Variants in MATR3 observed in about 807,000 individuals in gnomAD.
MATR3 encodes matrin 3.
Under a neutral mutation model 85.5 loss-of-function variants are expected in MATR3, and 4 were observed. The observed-to-expected ratio is 0.05, with a 90% CI of 0.02 to 0.11. The LOEUF (loss-of-function observed/expected upper bound fraction) is 0.11. Ranked by LOEUF, MATR3 falls within the 10% of genes least tolerant of loss-of-function variation. MATR3 has a pLI of 1.00. For missense variants in MATR3, 685 were observed against 1,016.1 expected, an observed-to-expected ratio of 0.67 and a Z score of 4.43; for synonymous variants, 336 against 343.1, an observed-to-expected ratio of 0.98 and a Z score of 0.23.
At chr5:139,322,169 C>G in intron 10 of MATR3, 140 bp downstream of exon 10, 1 of 1,080,056 alleles carries the variant, frequency 9.3e-7, no homozygotes, top group Non-Finnish European at 1.4e-6. Flanking sequence ...AGAGAACAAC[C>G]TTTTTTTCTG....
chr5:139,289,443 T>C (rs1281820652), upstream of MATR3, among the ~76,000 whole-genome samples: 4 of 152,238 alleles, frequency 2.6e-5, no homozygotes, highest in African/African-American at 9.6e-5. Flanking sequence ...TGTCTCTAAA[T>C]TTATAAATAT....
chr5:139,304,680 AT>A (rs1754620342), intron 1 of MATR3, among the ~76,000 whole-genome samples: 1 of 152,158 alleles, frequency 6.6e-6, no homozygotes, highest in East Asian at 1.9e-4. Context: ...GGTAAATTGG[AT>A]TTTGATAATA....
chr5:139,303,008 A>G (rs1014824080), intron 1 of MATR3, among the ~76,000 whole-genome samples: 2 of 150,550 alleles, frequency 1.3e-5, no homozygotes, highest in Admixed American at 6.6e-5. Context: ...ACCATAAATA[A>G]TCTTTCATAG....
upstream of MATR3, among the ~76,000 whole-genome samples, chr5:139,290,364 C>G (rs545467979): frequency 8.7e-5 from 13 of 149,520 alleles, no homozygotes; most frequent in African/African-American, 2.7e-4. Flanking sequence ...AGGCTGGTCT[C>G]GAACTCCTGA....
intron 3 of MATR3, 91 bp downstream of exon 3, chr5:139,314,827 T>C: frequency 8.9e-7 from 1 of 1,123,228 alleles, no homozygotes; most frequent in Non-Finnish European, 1.3e-6. Flanking sequence ...ACTTGTAATA[T>C]CCACAATGTT....
At chr5:139,320,999 G>A (rs1435812506) in intron 9 of MATR3, among the ~76,000 whole-genome samples, 5 of 148,830 alleles carry the variant, frequency 3.4e-5, no homozygotes, top group Admixed American at 1.4e-4. Flanking sequence ...CTTGTGATCC[G>A]CCCGTCTCGG....
chr5:139,293,359 C>G (rs1012763322), upstream of MATR3: 1 of 152,244 alleles, frequency 6.6e-6, no homozygotes, highest in African/African-American at 2.4e-5. Flanking sequence ...GCAAACAGAA[C>G]AACCAGAGAG....
rs1355711909 is a variant in MATR3, at chr5:139,307,137, A to G, written c.-177-102A>G. 3.7e-6 allele frequency: 3 copies of G among 804,790 alleles called. No homozygotes were observed. The highest frequency in any genetic ancestry group is 4.8e-6 in the Non-Finnish European group (3 of 629,488). The allele number at this position is 804,790 out of a possible 1,614,324, so 49.9% of individuals were successfully genotyped here. A position where few individuals can be genotyped will look rare whatever the true frequency, so the allele number is the denominator to read the frequency against. On this transcript the variant is annotated intron_variant, in intron 1 of 14. Transcript: ENST00000394805. The surrounding 1 kb of genome is among the most constrained non-coding windows in gnomAD (Gnocchi z 4.4). Reference sequence around the variant, plus strand: ...ATTCCTTGTAAGTTTGAGATCTTAAATGTTTTTTTTTTAAATCAACATGAT... The same window carrying G: ...ATTCCTTGTAAGTTTGAGATCTTAAGTGTTTTTTTTTTAAATCAACATGAT...
intron 2 of MATR3, chr5:139,314,439 A>G (rs549199048): frequency 2.2e-4 from 105 of 472,118 alleles, no homozygotes; most frequent in Middle Eastern, 6.2e-4. Flanking sequence ...TATCTTAAGT[A>G]TGTTGACAAG....
chr5:139,304,983 C>CT (rs1341654684), intron 1 of MATR3, among the ~76,000 whole-genome samples: 1 of 152,172 alleles, frequency 6.6e-6, no homozygotes. Flanking sequence ...TTTCTCCCAA[C>CT]TTTGTTCTAA....
chr5:139,316,352 TCTC>T (rs1322449485), intron 5 of MATR3, among the ~76,000 whole-genome samples, 164 bp downstream of exon 5: 4 of 152,156 alleles, frequency 2.6e-5, no homozygotes, highest in African/African-American at 7.2e-5. Context: ...TGCAAGCAGT[TCTC>T]CTGCTTCAGC....
At chr5:139,302,596 T>C (rs1405849770) in intron 1 of MATR3, among the ~76,000 whole-genome samples, 1 of 152,162 alleles carries the variant, frequency 6.6e-6, no homozygotes, top group African/African-American at 2.4e-5. Context: ...ATAAGTTGGA[T>C]GCTTGGTTTG....
intron 7 of MATR3, 90 bp from the exon 8 acceptor site, chr5:139,318,818 C>T (rs926149965): frequency 2.6e-6 from 3 of 1,150,146 alleles, no homozygotes; most frequent in Non-Finnish European, 3.9e-6. Flanking sequence ...AGATTTGGGG[C>T]ATTGTTATTT....
intron 6 of MATR3, 103 bp from the exon 7 acceptor site, chr5:139,317,493 A>T (rs970330103): frequency 7.0e-6 from 8 of 1,144,376 alleles, no homozygotes; most frequent in Non-Finnish European, 1.0e-5. Context: ...TTTTACTTAC[A>T]CTCTCCTGGT....
At chr5:139,308,422 A>T (rs775642348) in intron 2 of MATR3, 95 bp downstream of exon 2, 34 of 1,442,744 alleles carry the variant, frequency 2.4e-5, no homozygotes, top group Non-Finnish European at 2.9e-5. Flanking sequence ...GATGACATTG[A>T]GTTGATCAAG....
At chr5:139,295,578 C>A (rs368953457) in intron 1 of MATR3, among the ~76,000 whole-genome samples, 105 of 152,274 alleles carry the variant, frequency 6.9e-4, no homozygotes, top group African/African-American at 2.0e-3. Context: ...TACCCTTGAT[C>A]TGTGCATTTG....
intron 2 of MATR3, chr5:139,278,774 G>C (rs1227907194): frequency 2.0e-6 from 1 of 500,944 alleles, no homozygotes; most frequent in Non-Finnish European, 4.1e-6. Context: ...AGCTGTTTCA[G>C]GAATCATCCA....
At chr5:139,306,858 AT>A (rs1041874552) in intron 1 of MATR3, among the ~76,000 whole-genome samples, 5 of 151,982 alleles carry the variant, frequency 3.3e-5, no homozygotes, top group Non-Finnish European at 7.4e-5. Context: ...GCTGACCTTG[AT>A]TTTTTTGTTT....
At position 139,317,703 on chromosome 5, in the gene MATR3, T is replaced by C; in HGVS notation, c.1290T>C (p.Ile430=). The C allele has an allele frequency of 6.2e-7, 1 of 1,603,620 alleles. No homozygotes were observed. The highest frequency in any genetic ancestry group is 1.3e-5 in the African/African-American group (1 of 74,796). Reference sequence around the variant, plus strand: ...TTGGAGTCATTTCAAATCATCTGATTCTAAATAAAATTAATGAGGTATGAA... The same window carrying C: ...TTGGAGTCATTTCAAATCATCTGATCCTAAATAAAATTAATGAGGTATGAA... ...EPFGVISNHL[I]LNKINEAFIE... Residue 430 remains isoleucine, a synonymous_variant, in exon 7 of 15, where the codon ATT becomes ATC. Coordinates refer to ENST00000394805, the MANE Select transcript of MATR3 (RefSeq NM_018834.6).
Sources: gnomAD v4.1 joint callset for allele counts (sites outside exome capture counted in the v4.1 genomes callset) on GRCh38, gnomAD v4.1.1 for gene constraint, Gnocchi (gnomAD v3.1) non-coding constraint, MANE v1.5 for transcripts, NCBI Gene and HGNC (gene_info 2026-07-23, HGNC 2026-07-21) for gene names.